TTLL5: variants seen among roughly 807,000 people sequenced by gnomAD.
The protein encoded by TTLL5 is tubulin tyrosine ligase like 5.
Under a neutral mutation model 168.4 loss-of-function variants are expected in TTLL5, and 132 were observed. The ratio of observed to expected loss-of-function variants is 0.78; its 90% CI spans 0.68 to 0.91. The LOEUF (loss-of-function observed/expected upper bound fraction) is 0.91. Ranked by LOEUF, TTLL5 falls within the 40% of genes least tolerant of loss-of-function variation. The pLI, the probability that TTLL5 is intolerant of heterozygous loss-of-function variation, is 0.00. For missense variants in TTLL5, 1,545 were observed against 1,581.5 expected, an observed-to-expected ratio of 0.98 and a Z score of 0.39; for synonymous variants, 546 against 558.6, an observed-to-expected ratio of 0.98 and a Z score of 0.32.
chr14:75,699,919 A>G (rs1453080285), intron 7 of TTLL5, among the ~76,000 whole-genome samples: 1 of 152,054 alleles, frequency 6.6e-6, no homozygotes, highest in African/African-American at 2.4e-5. Context: ...GTTGATTTAT[A>G]TTTCTTTCAT....
intron 28 of TTLL5, among the ~76,000 whole-genome samples, chr14:75,861,032 C>G (rs980185199): frequency 3.3e-5 from 5 of 152,186 alleles, no homozygotes; most frequent in South Asian, 2.1e-4. Context: ...AGATCATGCC[C>G]TTTTAACTGT....
At chr14:75,843,858 T>TTTTAA (rs1441525285) in intron 28 of TTLL5, among the ~76,000 whole-genome samples, 1 of 36,810 alleles carries the variant, frequency 2.7e-5, no homozygotes, top group African/African-American at 1.7e-4. Flanking sequence ...ATTTATTTTA[T>TTTTAA]TTTGTTTTGT....
In TTLL5 at chr14:75,720,683, C is replaced by T. The variant is rs1162863927; in HGVS notation, c.1022C>T (p.Pro341Leu). 3 of 1,613,494 alleles carry T rather than the reference C, an allele frequency of 1.9e-6. No homozygotes were observed. The East Asian group carries it at 6.7e-5, about 36-fold the overall frequency. Residue 341 changes from proline (P) to leucine (L), a missense_variant, in exon 12 of 32, where the codon CCT becomes CTT. Physicochemically the swap from Pro to Leu is moderately conservative, Grantham distance 98. Transcript: ENST00000298832. ...AIATACKTFVPHRSSCFELYG... is the reference protein window; with the variant it reads ...AIATACKTFVLHRSSCFELYG... ...GCTACTGCCTGTAAAACCTTTGTTC[C>T]TCATCGCAGCAGTTGTTTTGGTAAG...
At chr14:75,733,851 C>G in intron 13 of TTLL5, 138 bp from the exon 14 acceptor site, 1 of 732,090 alleles carries the variant, frequency 1.4e-6, no homozygotes, top group Admixed American at 2.7e-5. Context: ...CCCCCACCGC[C>G]CCCGTGGATT....
rs3034073 is a variant in TTLL5 at position 75,928,342 on chromosome 14, CATATAT to C, written c.3824-26061_3824-26056del. ...CTCTGTGATGAATGAATGACAAAAA[CATATAT>C]ATATATATATATATATATATCACTG... On this transcript the variant is annotated intron_variant, in intron 31 of 31. Coordinates refer to ENST00000298832, the MANE Select transcript of TTLL5 (RefSeq NM_015072.5). 1.9e-3 allele frequency among the ~76,000 whole-genome samples: 152 copies of C among 82,000 alleles called. 9 individuals carry two copies. Among genetic ancestry groups the C allele is most frequent in the African/African-American group, 2.5e-3 (54 of 21,238 alleles). 53.8% of individuals were successfully genotyped at this position (82,000 alleles called of 152,430 possible). A position where few individuals can be genotyped will look rare whatever the true frequency, so the allele number is the denominator to read the frequency against.
intron 29 of TTLL5, among the ~76,000 whole-genome samples, chr14:75,871,234 A>G (rs990709262): frequency 2.0e-5 from 3 of 152,184 alleles, no homozygotes; most frequent in Non-Finnish European, 2.9e-5. Flanking sequence ...AGCTGCTCCT[A>G]GGGGAATATT....
intron 3 of TTLL5, among the ~76,000 whole-genome samples, chr14:75,671,727 A>T (rs1337866050): frequency 1.3e-5 from 2 of 152,164 alleles, no homozygotes; most frequent in African/African-American, 2.4e-5. Flanking sequence ...AGTTCTGTAT[A>T]TTGATCTTGT....
chr14:75,667,068 C>CTT (rs539121684), intron 2 of TTLL5, among the ~76,000 whole-genome samples: 1 of 144,954 alleles, frequency 6.9e-6, no homozygotes, highest in Non-Finnish European at 1.5e-5. Flanking sequence ...TCCTTAAGTG[C>CTT]TTTTTTTTTT....
chr14:75,812,012 C>T (rs1894072991), intron 27 of TTLL5, among the ~76,000 whole-genome samples: 1 of 152,154 alleles, frequency 6.6e-6, no homozygotes, highest in Non-Finnish European at 1.5e-5. Context: ...AATTTAAACA[C>T]CTGTCTAGAT....
In TTLL5 at chr14:75,766,205, T is replaced by C. The variant is rs146649407; in HGVS notation, c.1852T>C (p.Tyr618His). 1.7e-4 allele frequency: 274 copies of C among 1,613,886 alleles called. No individual in the cohort carries two copies. The highest frequency in any genetic ancestry group is 2.3e-4 in the Non-Finnish European group (268 of 1,179,990). The change falls in exon 20 of 32, where the codon TAT (tyrosine) becomes CAT (histidine). Residue 618 changes from tyrosine (Y) to histidine (H), a missense_variant. Transcript: ENST00000298832. The stretch of plus-strand genomic sequence containing the variant: ...ATTTCTTAGAGAAAATCAAGCCAAA[T>C]ATACACCCTCATTGACAGCTTTGGT... ...AGFLRENQAK[Y>H]TPSLTALVEN...
intron 15 of TTLL5, among the ~76,000 whole-genome samples, chr14:75,742,782 T>C (rs1889353225): frequency 6.6e-6 from 1 of 152,214 alleles, no homozygotes; most frequent in Non-Finnish European, 1.5e-5. Context: ...TGTGTGATCA[T>C]GAGAAAAGTC....
At chr14:75,868,543 A>G (rs1042612659) in intron 29 of TTLL5, among the ~76,000 whole-genome samples, 7 of 152,208 alleles carry the variant, frequency 4.6e-5, no homozygotes, top group Non-Finnish European at 7.3e-5. Flanking sequence ...TAATGTTCCT[A>G]TAACAGGCAG....
At chr14:75,953,916 G>C (rs777665605) in intron 31 of TTLL5, among the ~76,000 whole-genome samples, 29 of 152,124 alleles carry the variant, frequency 1.9e-4, no homozygotes, top group Non-Finnish European at 3.8e-4. Context: ...GTAGAATTGG[G>C]AGTATTTTAG....
At chr14:75,950,251 T>C (rs760406253) in intron 31 of TTLL5, among the ~76,000 whole-genome samples, 11 of 152,234 alleles carry the variant, frequency 7.2e-5, no homozygotes, top group Non-Finnish European at 1.5e-4. Context: ...TGCTTCGAAC[T>C]GTACACAACT....
chr14:75,784,086 A>G (rs1462000864), intron 26 of TTLL5, among the ~76,000 whole-genome samples: 1 of 152,204 alleles, frequency 6.6e-6, no homozygotes, highest in Non-Finnish European at 1.5e-5. Context: ...GGTTATATAT[A>G]TATCTATCTT....
chr14:75,939,623 A>G (rs979446364), intron 31 of TTLL5, among the ~76,000 whole-genome samples: 42 of 152,122 alleles, frequency 2.8e-4, no homozygotes, highest in Admixed American at 6.5e-5. Flanking sequence ...TCCTGGGTTC[A>G]AGCGATCCTC....
rs201928437 is a variant in TTLL5, at chr14:75,922,180, C to CCG, written c.3823+19956_3823+19957insCG. On this transcript the variant is annotated intron_variant, in intron 31 of 31. Coordinates refer to ENST00000298832, the MANE Select transcript of TTLL5 (RefSeq NM_015072.5). ...AATATACAATCATGTCATCTGCAAACGGACAATTTGACTTCCTCTTTTCCT... is the reference window on the plus strand; with the variant it reads ...AATATACAATCATGTCATCTGCAAACCGGGACAATTTGACTTCCTCTTTTCCT... Among the ~76,000 whole-genome samples, 3 of 151,156 alleles carry CCG rather than the reference C, an allele frequency of 2.0e-5. No individual in the cohort carries two copies. In the East Asian group the frequency reaches 5.8e-4, roughly 29 times the overall value.
chr14:75,945,376 C>T (rs1021344048), intron 31 of TTLL5, among the ~76,000 whole-genome samples: 4 of 151,844 alleles, frequency 2.6e-5, no homozygotes, highest in South Asian at 4.2e-4. Flanking sequence ...CCTGCCTCAG[C>T]CTCCTGAGTA....
chr14:75,784,715 G>A (rs1478902520), intron 26 of TTLL5, among the ~76,000 whole-genome samples: 1 of 152,082 alleles, frequency 6.6e-6, no homozygotes, highest in African/African-American at 2.4e-5. Flanking sequence ...AATGTTTGAG[G>A]GTTCCAGTTT....
Sources: gnomAD v4.1 joint callset for allele counts (sites outside exome capture counted in the v4.1 genomes callset) on GRCh38, gnomAD v4.1.1 for gene constraint, MANE v1.5 for transcripts, NCBI Gene and HGNC (gene_info 2026-07-23, HGNC 2026-07-21) for gene names.